Variants in RYR1 observed in about 807,000 individuals in gnomAD.
RYR1 encodes the protein central core disease of muscle.
A neutral mutation model predicts 583.5 loss-of-function variants in RYR1; 342 were observed. The ratio of observed to expected loss-of-function variants is 0.59; its 90% CI spans 0.54 to 0.64. The LOEUF (loss-of-function observed/expected upper bound fraction) is 0.64, where lower values mean the gene tolerates loss of function less well. RYR1 is among the 30% of genes least tolerant of loss of function. The pLI is 0.00. For synonymous variants in RYR1, 2,791 were observed against 2,822.5 expected (o/e 0.99, Z 0.35); for missense variants, 6,032 against 6,917.2 (o/e 0.87, Z 4.54).
At chr19:38,472,471 G>A (rs1600727270) in intron 27 of RYR1, among the ~76,000 whole-genome samples, 1 of 152,268 alleles carries the variant, frequency 6.6e-6, no homozygotes, top group Non-Finnish European at 1.5e-5. Flanking sequence ...TAACAAGAGC[G>A]AGGTCTGGTA....
chr19:38,541,475 G>A (rs1383190012), intron 84 of RYR1, among the ~76,000 whole-genome samples: 3 of 152,266 alleles, frequency 2.0e-5, no homozygotes, highest in African/African-American at 4.8e-5. Context: ...CAGCACTTTG[G>A]GAGGCCGAGG....
intron 19 of RYR1, among the ~76,000 whole-genome samples, chr19:38,459,798 A>T (rs139297179): frequency 6.6e-6 from 1 of 151,980 alleles, no homozygotes; most frequent in East Asian, 1.9e-4. Flanking sequence ...GACTCTTCCA[A>T]TGACACCATA....
chr19:38,457,447 A>T (rs1452180279), intron 16 of RYR1, 50 bp from the exon 17 acceptor site: 2 of 1,613,582 alleles, frequency 1.2e-6, no homozygotes, highest in Non-Finnish European at 1.7e-6. Flanking sequence ...TCTTCTGTAG[A>T]TCCTGCCCTG....
At chr19:38,531,554 C>G (rs1036466263) in intron 76 of RYR1, among the ~76,000 whole-genome samples, 4 of 152,076 alleles carry the variant, frequency 2.6e-5, no homozygotes, top group African/African-American at 9.6e-5. Flanking sequence ...GGCAAGATGG[C>G]TCTGGGAGCT....
In RYR1 at chr19:38,464,698, T is replaced by C. The variant is rs766506886; in HGVS notation, c.2846T>C (p.Leu949Pro). Residue 949 changes from leucine to proline, a missense_variant, in exon 23 of 106, where the codon CTG becomes CCG. Physicochemically the swap from Leu to Pro is moderately conservative, Grantham distance 98. Transcript: ENST00000359596. ...GMADEKAEDNLKKTKLPKTYM... is the reference protein window; with the variant it reads ...GMADEKAEDNPKKTKLPKTYM... ...GCGGATGAGAAGGCGGAGGACAACC[T>C]GAAGAAGACAAAACTCCCCAAGACG... 6.3e-7 allele frequency: 1 copy of C among 1,590,460 alleles called. No individual in the cohort carries two copies. Among genetic ancestry groups the C allele is most frequent in the East Asian group, 2.3e-5 (1 of 43,966 alleles).
chr19:38,472,541 G>A (rs1005748130), intron 27 of RYR1, among the ~76,000 whole-genome samples: 7 of 152,182 alleles, frequency 4.6e-5, no homozygotes, highest in East Asian at 1.9e-4. Context: ...ATTCCCATCC[G>A]AAGCAACCAC....
In RYR1 at chr19:38,458,073, G is replaced by A. The variant is rs1156962598; in HGVS notation, c.1948G>A (p.Gly650Ser). Residue 650 changes from glycine to serine, a missense_variant, in exon 18 of 106, where the codon GGC becomes AGC. This residue lies in a region of RYR1 where 2,627 missense variants were observed against 2,961.3 expected (regional missense o/e 0.89). Coordinates refer to ENST00000359596, the MANE Select transcript of RYR1 (RefSeq NM_000540.3). ...VTSIRPNIFV[G>S]RAEGTTQYSK... ...CAGCATCCGCCCCAACATCTTTGTGGGCCGAGCGGAAGGCACCACGCAGTA... is the reference window on the plus strand; with the variant it reads ...CAGCATCCGCCCCAACATCTTTGTGAGCCGAGCGGAAGGCACCACGCAGTA... The A allele has an allele frequency of 1.2e-6, 2 of 1,613,630 alleles. No individual in the cohort carries two copies. Among genetic ancestry groups the A allele is most frequent in the Non-Finnish European group, 1.7e-6 (2 of 1,180,004 alleles).
intron 12 of RYR1, among the ~76,000 whole-genome samples, chr19:38,452,455 T>C (rs1174379238): frequency 6.6e-6 from 1 of 152,010 alleles, no homozygotes; most frequent in African/African-American, 2.4e-5. Context: ...AATATACACA[T>C]GACCCCTAAC....
intron 22 of RYR1, 108 bp downstream of exon 22, chr19:38,463,958 G>A: frequency 1.2e-6 from 1 of 864,198 alleles, no homozygotes; most frequent in Non-Finnish European, 1.9e-6. Flanking sequence ...GAAGGATGGA[G>A]GGGACAGGGA....
At chr19:38,568,136 T>C (rs1973532610) in intron 93 of RYR1, among the ~76,000 whole-genome samples, 1 of 152,144 alleles carries the variant, frequency 6.6e-6, no homozygotes, top group African/African-American at 2.4e-5. Context: ...CTGCTCACTA[T>C]CCTTATTCCA....
chr19:38,440,679 G>A, intron 1 of RYR1, 66 bp from the exon 2 acceptor site: 1 of 1,582,166 alleles, frequency 6.3e-7, no homozygotes, highest in Non-Finnish European at 8.6e-7. Context: ...GGAGGGGCCT[G>A]TGGTCTGCAG....
At chr19:38,471,666 C>T (rs144279623) in intron 27 of RYR1, among the ~76,000 whole-genome samples, 17,119 of 151,736 alleles carry the variant, frequency 0.11, 1,098 homozygotes, top group South Asian at 0.18. Flanking sequence ...TTTGGGAGGC[C>T]GATGTGGGTG....
chr19:38,458,361 T>C, intron 18 of RYR1, 69 bp downstream of exon 18: 1 of 1,519,078 alleles, frequency 6.6e-7, no homozygotes, highest in Non-Finnish European at 9.1e-7. Context: ...TCTCTGACCA[T>C]ACACCTTGGG....
chr19:38,494,322 G>A, intron 38 of RYR1, 30 bp from the exon 39 acceptor site: 2 of 1,610,822 alleles, frequency 1.2e-6, no homozygotes, highest in Non-Finnish European at 1.7e-6. Context: ...CCTGCATGGT[G>A]CTCCAAGCCT....
In RYR1 at chr19:38,567,063, G is replaced by T. The variant is rs1441025697; in HGVS notation, c.13514+76G>T. 9.1e-6 allele frequency: 14 copies of T among 1,545,104 alleles called. 1 individual carries two copies. The highest frequency in any genetic ancestry group is 3.6e-5 in the South Asian group (3 of 83,984). On this transcript the variant is annotated intron_variant, in intron 92 of 105. Transcript: ENST00000359596. ...TAGAGTAGGAGCCTCCAGAGGTCAG[G>T]CCCCAAGGCTGTCCTGGCCACCCTG...
chr19:38,497,074 C>T lies in RYR1; in HGVS notation c.6891+120C>T, dbSNP rs1969868697. ...GGGGCAATTCTGGATGGTCCAGTGC[C>T]CAACCAGAAGGAGACTAATTTGCAG... On this transcript the variant is annotated intron_variant, in intron 42 of 105. Coordinates refer to ENST00000359596, the MANE Select transcript of RYR1 (RefSeq NM_000540.3). 4 of 802,850 alleles carry T rather than the reference C, an allele frequency of 5.0e-6. No individual in the cohort carries two copies. In the Admixed American group the frequency reaches 6.0e-5, roughly 12 times the overall value. The allele number at this position is 802,850 out of a possible 1,614,324, so 49.7% of individuals were successfully genotyped here. A position where few individuals can be genotyped will look rare whatever the true frequency, so the allele number is the denominator to read the frequency against.
chr19:38,532,599 G>A, intron 77 of RYR1, 58 bp downstream of exon 77: 1 of 1,613,808 alleles, frequency 6.2e-7, no homozygotes, highest in South Asian at 1.1e-5. Flanking sequence ...TGCAGTGCTT[G>A]TCCACAAAAA....
chr19:38,497,223 C>T (rs1399808083), intron 42 of RYR1, among the ~76,000 whole-genome samples: 1 of 152,010 alleles, frequency 6.6e-6, no homozygotes, highest in Non-Finnish European at 1.5e-5. Flanking sequence ...GGCGGATCCG[C>T]ACTCTAACTT....
At position 38,463,750 on chromosome 19, in the gene RYR1, C is replaced by T. The variant is rs371050482; in HGVS notation, c.2686C>T (p.Arg896Trp). 1.2e-5 allele frequency: 19 copies of T among 1,613,862 alleles called. No homozygotes were observed. The highest frequency in any genetic ancestry group is 2.7e-5 in the African/African-American group (2 of 74,852). Reference sequence around the variant, plus strand: ...GTTGACCCTGGGTTTTCTCCAGGTTCGGGATGACAACAAGAGGCTGCACCC... The same window carrying T: ...GTTGACCCTGGGTTTTCTCCAGGTTTGGGATGACAACAAGAGGCTGCACCC... ...IEQGWTYGPV[R>W]DDNKRLHPCL... The change falls in exon 22 of 106, where the codon CGG becomes TGG. Residue 896 changes from arginine to tryptophan, a missense_variant. This residue lies in a region of RYR1 where 2,627 missense variants were observed against 2,961.3 expected (regional missense o/e 0.89). Transcript: ENST00000359596.
Sources: gnomAD v4.1 joint callset for allele counts (sites outside exome capture counted in the v4.1 genomes callset) on GRCh38, gnomAD v4.1.1 for gene constraint, gnomAD v4.1.1 regional missense constraint, MANE v1.5 for transcripts, NCBI Gene and HGNC (gene_info 2026-07-23, HGNC 2026-07-21) for gene names.